Variants in MAP3K5 observed in about 807,000 individuals in gnomAD.
MAP3K5 encodes mitogen-activated protein kinase kinase kinase 5, also known as ASK-1.
MAP3K5 carries 56 observed loss-of-function variants against 158.7 expected under a neutral mutation model. The ratio of observed to expected loss-of-function variants is 0.35; its 90% confidence interval spans 0.28 to 0.44. MAP3K5 has a LOEUF of 0.44. MAP3K5 is among the 20% of genes least tolerant of loss of function. The pLI is 1.00. For synonymous variants in MAP3K5, 579 were observed against 601.7 expected, an observed-to-expected ratio of 0.96 and a Z score of 0.55; for missense variants, 1,294 against 1,674.8, an observed-to-expected ratio of 0.77 and a Z score of 3.97.
chr6:136,577,599 G>A (rs9376204), intron 25 of MAP3K5, among the ~76,000 whole-genome samples: 3,164 of 152,214 alleles, frequency 0.021, 58 homozygotes, highest in East Asian at 0.072. Context: ...TGGGACACTC[G>A]TGCAAGGACA....
At chr6:136,631,138 T>C (rs1777331267) in intron 14 of MAP3K5, among the ~76,000 whole-genome samples, 1 of 152,206 alleles carries the variant, frequency 6.6e-6, no homozygotes, top group Non-Finnish European at 1.5e-5. Context: ...TTGTCTGCTC[T>C]CCTGTCAACT....
intron 7 of MAP3K5, among the ~76,000 whole-genome samples, chr6:136,691,717 ATC>A (rs1780395959): frequency 6.6e-6 from 1 of 151,628 alleles, no homozygotes; most frequent in African/African-American, 2.4e-5. Context: ...ATTTCTAATA[ATC>A]TGTTTTGAAG....
At chr6:136,776,036 A>C (rs1328489193) in intron 1 of MAP3K5, among the ~76,000 whole-genome samples, 1 of 152,234 alleles carries the variant, frequency 6.6e-6, no homozygotes, top group Non-Finnish European at 1.5e-5. Context: ...CTAAGTGGAG[A>C]GTCCTGAGTT....
rs1471178706 is a variant in MAP3K5 at position 136,792,289 on chromosome 6, G to A, written c.-132C>T. 2.8e-6 allele frequency: 3 copies of A among 1,088,144 alleles called. No individual in the cohort carries two copies. The highest frequency in any genetic ancestry group is 3.3e-6 in the Non-Finnish European group (3 of 902,702). The allele number at this position is 1,088,144 out of a possible 1,614,324, so 67.4% of individuals were successfully genotyped here. A position where few individuals can be genotyped will look rare whatever the true frequency, so the allele number is the denominator to read the frequency against. On this transcript the variant is annotated 5_prime_UTR_variant, in exon 1 of 30. Transcript: ENST00000359015. This position sits in a 1 kb window ranked among gnomAD's most constrained non-coding sequence, Gnocchi z 5.7. ...TCGCGCGCCGCGCCCTCGCCGCCGC[G>A]CCGCCGCCTCCTCTCCGGCGCCCTC...
In MAP3K5 at chr6:136,637,334, G is replaced by A. The variant is rs753284190; in HGVS notation, c.2007C>T (p.Asp669=). The A allele has an allele frequency of 3.7e-6, 6 of 1,609,406 alleles. No homozygotes were observed. The highest frequency in any genetic ancestry group is 4.5e-5 in the East Asian group (2 of 44,846). ...ACACCTAAGTCATTACCTCCAGCAA[G>A]TCACTTTCACAGTCTCCTTCCTCTG... ...RSTEEGDCES[D]LLEYDYEYDE... Residue 669 remains aspartate (D), a synonymous_variant, in exon 14 of 30, where the codon GAC becomes GAT. Transcript: ENST00000359015.
intron 15 of MAP3K5, among the ~76,000 whole-genome samples, chr6:136,622,541 A>T (rs986020274): frequency 7.9e-5 from 12 of 152,176 alleles, no homozygotes; most frequent in African/African-American, 2.9e-4. Flanking sequence ...ACTGGTTCCA[A>T]CCTAAACGAT....
rs1453367548 is a variant in MAP3K5 at position 136,669,345 on chromosome 6, T to A, written c.1304A>T (p.Tyr435Phe). The A allele has an allele frequency of 9.9e-6, 16 of 1,613,762 alleles. No individual in the cohort carries two copies. The highest frequency in any genetic ancestry group is 1.4e-5 in the Non-Finnish European group (16 of 1,179,822). Residue 435 changes from tyrosine (Y) to phenylalanine (F), a missense_variant, in exon 8 of 30, where the codon TAT (tyrosine) becomes TTT (phenylalanine). By Grantham distance (22) the Tyr-to-Phe change is conservative (BLOSUM62 3). This residue lies in a region of MAP3K5 where 690 missense variants were observed against 870.5 expected (regional missense o/e 0.79). Transcript: ENST00000359015. Reference sequence around the variant, plus strand: ...TCCAGCTGCCAGGAGGAGGACCGCATAATTAATTCCTGACTGTAGTGTTGG... The same window carrying A: ...TCCAGCTGCCAGGAGGAGGACCGCAAAATTAATTCCTGACTGTAGTGTTGG... Reference protein sequence around the residue: ...SEPTLQSGINYAVLLLAAGHQ... With the variant: ...SEPTLQSGINFAVLLLAAGHQ...
At chr6:136,626,789 A>T (rs947811556) in intron 14 of MAP3K5, among the ~76,000 whole-genome samples, 1 of 150,604 alleles carries the variant, frequency 6.6e-6, no homozygotes, top group Non-Finnish European at 1.5e-5. Flanking sequence ...GAAAAAAAAA[A>T]CCAACTTTCA....
At position 136,720,581 on chromosome 6, in the gene MAP3K5, C is replaced by A; in HGVS notation, c.457G>T (p.Val153Leu). ...LDRFYNADIA[V>L]VEMSDAFRQP... ...CGGAAGGCATCGCTCATCTCCACCA[C>A]CGCAATATCTGCAAACAGAAAACAA... Residue 153 changes from valine (V) to leucine (L), a missense_variant, in exon 2 of 30, where the codon GTG becomes TTG. By Grantham distance (32) the Val-to-Leu change is conservative. Around this residue, in one of 5 missense-constraint regions of MAP3K5, gnomAD observed 690 missense variants for 870.5 expected, o/e 0.79. Transcript: ENST00000359015. The A allele has an allele frequency of 6.2e-7, 1 of 1,607,880 alleles. No homozygotes were observed. The highest frequency in any genetic ancestry group is 8.5e-7 in the Non-Finnish European group (1 of 1,177,696).
At chr6:136,744,370 T>C (rs1355019240) in intron 1 of MAP3K5, among the ~76,000 whole-genome samples, 5 of 147,520 alleles carry the variant, frequency 3.4e-5, no homozygotes, top group Admixed American at 2.0e-4. Flanking sequence ...TGTGTGTACA[T>C]ACATATATAC....
intron 28 of MAP3K5, among the ~76,000 whole-genome samples, chr6:136,560,777 A>C (rs536022061): frequency 6.6e-6 from 1 of 151,608 alleles, no homozygotes; most frequent in East Asian, 2.0e-4. Flanking sequence ...GCGAGACCCT[A>C]TCTCTAAATT....
intron 1 of MAP3K5, among the ~76,000 whole-genome samples, chr6:136,763,948 C>T (rs1783859523): frequency 6.6e-6 from 1 of 152,154 alleles, no homozygotes; most frequent in Non-Finnish European, 1.5e-5. Context: ...GAGTACCCAC[C>T]AACAAGGAAG....
intron 8 of MAP3K5, among the ~76,000 whole-genome samples, chr6:136,663,017 A>C (rs901612024): frequency 4.6e-5 from 7 of 152,194 alleles, no homozygotes; most frequent in African/African-American, 1.7e-4. Context: ...AGCTGTTATT[A>C]TGTTCAAGGC....
chr6:136,697,123 T>C (rs1046328619), intron 5 of MAP3K5, 96 bp downstream of exon 5: 21 of 1,037,990 alleles, frequency 2.0e-5, no homozygotes, highest in Non-Finnish European at 2.8e-5. Flanking sequence ...TGTAGTAACA[T>C]GAACTGCTTA....
chr6:136,635,418 G>T (rs183347421), intron 14 of MAP3K5, among the ~76,000 whole-genome samples: 14 of 152,110 alleles, frequency 9.2e-5, no homozygotes, highest in Admixed American at 6.5e-4. Flanking sequence ...ACATAAATAA[G>T]AAGTAGTATC....
intron 1 of MAP3K5, among the ~76,000 whole-genome samples, chr6:136,751,679 T>A (rs34492324): frequency 7.3e-4 from 111 of 152,338 alleles, no homozygotes; most frequent in Non-Finnish European, 8.4e-4. Context: ...GAAGAAAGCA[T>A]ATTGGTATGC....
At chr6:136,589,937 T>A (rs1775311431) in intron 23 of MAP3K5, among the ~76,000 whole-genome samples, 1 of 152,228 alleles carries the variant, frequency 6.6e-6, no homozygotes, top group African/African-American at 2.4e-5. Flanking sequence ...TGATTTGTCC[T>A]GTCAAAATTC....
intron 25 of MAP3K5, among the ~76,000 whole-genome samples, chr6:136,572,504 G>C (rs963383911): frequency 1.3e-5 from 2 of 152,142 alleles, no homozygotes; most frequent in Non-Finnish European, 2.9e-5. Context: ...TGATCTGCCC[G>C]CCTCGGCCTC....
chr6:136,726,994 C>A (rs1388989186), intron 1 of MAP3K5, among the ~76,000 whole-genome samples: 2 of 152,020 alleles, frequency 1.3e-5, no homozygotes, highest in East Asian at 3.9e-4. Context: ...CCTTGTTATA[C>A]TCGCTAGGAC....
Sources: allele counts gnomAD v4.1 joint callset (sites outside exome capture counted in the v4.1 genomes callset), GRCh38; gene constraint gnomAD v4.1.1; regional missense constraint gnomAD v4.1.1; non-coding constraint Gnocchi (gnomAD v3.1); transcripts MANE v1.5; gene names NCBI Gene and HGNC (gene_info 2026-07-23, HGNC 2026-07-21).